SPATS2: variants seen among roughly 807,000 people sequenced by gnomAD.
SPATS2 encodes the protein spermatogenesis associated serine rich 2.
In SPATS2, 38 loss-of-function variants were observed where a neutral mutation model predicts 63.7. The ratio of observed to expected loss-of-function variants is 0.60; its 90% CI spans 0.46 to 0.78. The LOEUF (loss-of-function observed/expected upper bound fraction) is 0.78. SPATS2 is among the 30% of genes least tolerant of loss of function. SPATS2 has a pLI of 0.00. For synonymous variants in SPATS2, 207 were observed against 232.9 expected (o/e 0.89, Z 1.01); for missense variants, 588 against 666.2 (o/e 0.88, Z 1.29).
intron 2 of SPATS2, among the ~76,000 whole-genome samples, chr12:49,373,977 T>C (rs901259044): frequency 2.6e-5 from 4 of 151,774 alleles, no homozygotes; most frequent in African/African-American, 9.7e-5. Context: ...ATAGCTTTTC[T>C]GGGGAGGATG....
At chr12:49,415,263 T>G (rs1172396272) in intron 2 of SPATS2, among the ~76,000 whole-genome samples, 1 of 151,944 alleles carries the variant, frequency 6.6e-6, no homozygotes, top group Admixed American at 6.6e-5. Context: ...CAGGCTGGTC[T>G]CAAACTCCTG....
In SPATS2 at chr12:49,408,249, C is replaced by CTT. The variant is rs1485234148; in HGVS notation, c.-244+36960_-244+36961dup. On this transcript the variant is annotated intron_variant, in intron 2 of 13. Transcript: ENST00000552918. ...CACCTAATTTGGAGATGATAGTATTCTTCTTTTTTTTTTTTTTTTTGAGAC... is the reference window on the plus strand; with the variant it reads ...CACCTAATTTGGAGATGATAGTATTCTTTTCTTTTTTTTTTTTTTTTTGAGAC... 4.4e-4 allele frequency among the ~76,000 whole-genome samples: 65 copies of CTT among 147,178 alleles called. No homozygotes were observed. The South Asian group carries it at 0.011, about 26-fold the overall frequency.
rs138176000 is a variant in SPATS2 at position 49,507,623 on chromosome 12, T to C, written c.840-6932T>C. Among the ~76,000 whole-genome samples the C allele has an allele frequency of 1.4e-3, 213 of 152,376 alleles. 1 individual carries two copies. The highest frequency in any genetic ancestry group is 2.4e-3 in the Non-Finnish European group (161 of 68,038). ...ACCACCTTAACACATAAGTAATTTTTATTTCCTGCGTTCCCTTGTGTTCCT... is the reference window on the plus strand; with the variant it reads ...ACCACCTTAACACATAAGTAATTTTCATTTCCTGCGTTCCCTTGTGTTCCT... On this transcript the variant is annotated intron_variant, in intron 9 of 13. Coordinates refer to ENST00000552918, the MANE Select transcript of SPATS2 (RefSeq NM_023071.4).
intron 2 of SPATS2, among the ~76,000 whole-genome samples, chr12:49,380,404 T>C (rs1944194489): frequency 1.3e-5 from 2 of 151,974 alleles, no homozygotes; most frequent in African/African-American, 2.4e-5. Flanking sequence ...TTCCAGGTCA[T>C]TTGAAAAAAT....
In SPATS2 at chr12:49,406,080, A is replaced by G. The variant is rs1944690520; in HGVS notation, c.-244+34790A>G. ...GGAGTTCAAGACCAGCCTGGCCAAC[A>G]TGGTGAAACCCTGTCTATACTAAAA... On this transcript the variant is annotated intron_variant, in intron 2 of 13. Transcript: ENST00000552918. Among the ~76,000 whole-genome samples, 4 of 152,034 alleles carry G rather than the reference A, an allele frequency of 2.6e-5. No individual in the cohort carries two copies. In the South Asian group the frequency reaches 8.3e-4, roughly 32 times the overall value.
chr12:49,472,222 C>G (rs1332825570), intron 3 of SPATS2, among the ~76,000 whole-genome samples: 2 of 151,956 alleles, frequency 1.3e-5, no homozygotes, highest in East Asian at 3.8e-4. Flanking sequence ...TCCTATATAC[C>G]TATAACTCAG....
intron 2 of SPATS2, among the ~76,000 whole-genome samples, chr12:49,436,231 G>A (rs1315873507): frequency 2.7e-5 from 4 of 149,406 alleles, no homozygotes; most frequent in South Asian, 2.1e-4. Context: ...GGGCAGAGGC[G>A]CCCCTCACCT....
At chr12:49,472,766 G>A (rs954154658) in intron 3 of SPATS2, among the ~76,000 whole-genome samples, 12 of 151,374 alleles carry the variant, frequency 7.9e-5, no homozygotes, top group Admixed American at 5.3e-4. Context: ...AGGGCCAGGC[G>A]TGGTGTCTCA....
intron 3 of SPATS2, among the ~76,000 whole-genome samples, chr12:49,470,387 G>A (rs1017953042): frequency 3.3e-5 from 5 of 151,994 alleles, no homozygotes; most frequent in African/African-American, 1.2e-4. Flanking sequence ...TGGTTTTATT[G>A]ATAGTGCTAG....
Position 49,387,715 on chromosome 12 carries a change from A to G in SPATS2, c.-244+16425A>G, listed in dbSNP as rs556704561. Among the ~76,000 whole-genome samples the G allele has an allele frequency of 2.0e-5, 3 of 150,720 alleles. No homozygotes were observed. The South Asian group carries it at 6.3e-4, about 32-fold the overall frequency. On this transcript the variant is annotated intron_variant, in intron 2 of 13. Coordinates refer to ENST00000552918, the MANE Select transcript of SPATS2 (RefSeq NM_023071.4). The stretch of plus-strand genomic sequence containing the variant: ...GGAGTCTGGGGCTTCTTTGATGGAC[A>G]GCATAAGCAGAGATAAAGAACCTGA...
At chr12:49,391,582 G>A (rs1944419576) in intron 2 of SPATS2, among the ~76,000 whole-genome samples, 1 of 135,584 alleles carries the variant, frequency 7.4e-6, no homozygotes, top group Non-Finnish European at 1.6e-5. Context: ...ACCAGTTATG[G>A]AAATGTGCTT....
At chr12:49,458,357 C>T (rs1021917559) in intron 2 of SPATS2, among the ~76,000 whole-genome samples, 1 of 150,754 alleles carries the variant, frequency 6.6e-6, no homozygotes, top group Admixed American at 6.6e-5. Flanking sequence ...AGTCCCAGCT[C>T]GTTGGGAGGC....
At chr12:49,452,326 C>G (rs909331835) in intron 2 of SPATS2, among the ~76,000 whole-genome samples, 3 of 152,214 alleles carry the variant, frequency 2.0e-5, no homozygotes, top group African/African-American at 7.2e-5. Flanking sequence ...GAGATAGGGT[C>G]TTGCCTTGCT....
chr12:49,485,077 T>C (rs1480930098), intron 4 of SPATS2, among the ~76,000 whole-genome samples: 1 of 151,676 alleles, frequency 6.6e-6, no homozygotes, highest in Non-Finnish European at 1.5e-5. Context: ...CTTTTTTTTT[T>C]TTTTTTTGAG....
intron 2 of SPATS2, among the ~76,000 whole-genome samples, chr12:49,374,896 G>A (rs1037456537): frequency 6.8e-6 from 1 of 146,650 alleles, no homozygotes; most frequent in South Asian, 2.1e-4. Context: ...GGCAGGCGGA[G>A]GTTGCAGTGG....
intron 2 of SPATS2, among the ~76,000 whole-genome samples, chr12:49,438,428 T>A (rs1469559786): frequency 6.6e-6 from 1 of 152,240 alleles, no homozygotes; most frequent in Admixed American, 6.5e-5. Flanking sequence ...TATGTACTTA[T>A]TTCTTTTGGG....
intron 2 of SPATS2, among the ~76,000 whole-genome samples, chr12:49,402,222 G>T (rs948179937): frequency 3.3e-5 from 5 of 152,166 alleles, no homozygotes; most frequent in Admixed American, 6.6e-5. Flanking sequence ...TTTAATCAGG[G>T]TTGGTGTTTT....
chr12:49,419,961 G>C (rs1460825708), intron 2 of SPATS2, among the ~76,000 whole-genome samples: 5 of 152,202 alleles, frequency 3.3e-5, no homozygotes, highest in Admixed American at 2.0e-4. Context: ...TGAAGCTTCT[G>C]TTCTTGAGAC....
chr12:49,473,529 C>G (rs1449679747), intron 3 of SPATS2, among the ~76,000 whole-genome samples: 1 of 152,206 alleles, frequency 6.6e-6, no homozygotes, highest in Non-Finnish European at 1.5e-5. Flanking sequence ...CTACACATAT[C>G]ATATTTAGTT....
Sources: allele counts gnomAD v4.1 joint callset (sites outside exome capture counted in the v4.1 genomes callset), GRCh38; gene constraint gnomAD v4.1.1; transcripts MANE v1.5; gene names NCBI Gene and HGNC (gene_info 2026-07-23, HGNC 2026-07-21).